The following MYO5B variants were observed in gnomAD, a reference collection of about 807,000 sequenced individuals.
The protein encoded by MYO5B is myosin VB.
In MYO5B, 143 loss-of-function variants were observed where a neutral mutation model predicts 229.3. That is an observed-to-expected ratio of 0.62 (90% CI 0.54 to 0.72). The LOEUF (loss-of-function observed/expected upper bound fraction) is 0.72, where lower values mean the gene tolerates loss of function less well. Among genes scored for constraint, MYO5B ranks in the 30% least tolerant of loss-of-function variants. The pLI, the probability that MYO5B is intolerant of heterozygous loss-of-function variation, is 0.00. For missense variants in MYO5B, 2,321 were observed against 2,331.0 expected, an observed-to-expected ratio of 1.00 and a Z score of 0.09; for synonymous variants, 918 against 885.2, an observed-to-expected ratio of 1.04 and a Z score of -0.66.
intron 22 of MYO5B, among the ~76,000 whole-genome samples, chr18:49,883,969 T>G (rs1401223932): frequency 6.6e-6 from 1 of 152,192 alleles, no homozygotes; most frequent in Non-Finnish European, 1.5e-5. Flanking sequence ...TCAAAATGCA[T>G]TAAAGACTTA....
intron 4 of MYO5B, among the ~76,000 whole-genome samples, chr18:50,004,244 T>C (rs560606720): frequency 6.6e-6 from 1 of 151,824 alleles, no homozygotes; most frequent in Middle Eastern, 3.4e-3. Context: ...AAAGAAGGAA[T>C]CAAGGCAACG....
At chr18:49,870,912 T>C (rs2024449158) in intron 27 of MYO5B, among the ~76,000 whole-genome samples, 2 of 152,134 alleles carry the variant, frequency 1.3e-5, no homozygotes, top group African/African-American at 2.4e-5. Flanking sequence ...AATAATAGGA[T>C]GGCCACATGA....
At chr18:49,974,245 A>G in intron 10 of MYO5B, 105 bp downstream of exon 10, 2 of 1,542,058 alleles carry the variant, frequency 1.3e-6, no homozygotes, top group South Asian at 2.3e-5. Flanking sequence ...AACTGCCCTA[A>G]GTTGAGAACC....
At chr18:50,136,814 G>C (rs747370430) in intron 1 of MYO5B, among the ~76,000 whole-genome samples, 1 of 152,126 alleles carries the variant, frequency 6.6e-6, no homozygotes, top group African/African-American at 2.4e-5. Flanking sequence ...GAAAGAAAAC[G>C]ATGGTGTCAG....
At chr18:50,188,226 G>T (rs12961521) in intron 1 of MYO5B, among the ~76,000 whole-genome samples, 76,299 of 151,930 alleles carry the variant, frequency 0.5, 19,323 homozygotes, top group Admixed American at 0.59. Flanking sequence ...CCTCCTGAGA[G>T]AACATCCTTC....
intron 17 of MYO5B, among the ~76,000 whole-genome samples, chr18:49,927,157 G>T (rs1029664785): frequency 1.3e-4 from 20 of 152,118 alleles, no homozygotes; most frequent in African/African-American, 4.6e-4. Context: ...GGCTAAGATG[G>T]TAACCAAGGA....
intron 1 of MYO5B, among the ~76,000 whole-genome samples, chr18:50,121,903 T>C (rs2032063803): frequency 6.6e-6 from 1 of 152,244 alleles, no homozygotes; most frequent in Non-Finnish European, 1.5e-5. Flanking sequence ...CTGCAATCTG[T>C]AAAGTCTTTG....
Position 49,974,572 on chromosome 18 carries a change from A to AC in MYO5B, c.1099dup (p.Val367GlyfsTer77). On this transcript the variant is annotated frameshift_variant, in exon 10 of 40. Coordinates refer to ENST00000285039, the MANE Select transcript of MYO5B (RefSeq NM_001080467.3). LOFTEE classifies it high-confidence loss of function. ...CCAGTGCTCCATCTGACTGTGCTCCACCCCTAGCAGTCGGCAGAAGTTGCT... is the reference window on the plus strand; with the variant it reads ...CCAGTGCTCCATCTGACTGTGCTCCACCCCCTAGCAGTCGGCAGAAGTTGCT... The AC allele has an allele frequency of 6.2e-7, 1 of 1,614,022 alleles. No individual in the cohort carries two copies. Among genetic ancestry groups the AC allele is most frequent in the Non-Finnish European group, 8.5e-7 (1 of 1,179,992 alleles).
intron 1 of MYO5B, among the ~76,000 whole-genome samples, chr18:50,070,389 G>A (rs2030928000): frequency 6.6e-6 from 1 of 152,032 alleles, no homozygotes; most frequent in Non-Finnish European, 1.5e-5. Context: ...TTTCTAGACT[G>A]CTTGCTTCTA....
At position 49,902,583 on chromosome 18, in the gene MYO5B, C is replaced by G. The variant is rs2024854050; in HGVS notation, c.2811+11G>C. 1 of 1,610,300 alleles carries G rather than the reference C, an allele frequency of 6.2e-7. No homozygotes were observed. The stretch of plus-strand genomic sequence containing the variant: ...CCCCCGACACCCAGGTAGGGAGCTG[C>G]AGACACTGACCTGCTCATCGATCTT... On this transcript the variant is annotated intron_variant, in intron 21 of 39. Transcript: ENST00000285039.
intron 10 of MYO5B, 86 bp from the exon 11 acceptor site, chr18:49,963,116 C>A (rs377203078): frequency 1.9e-6 from 2 of 1,040,496 alleles, no homozygotes; most frequent in East Asian, 2.4e-5. Flanking sequence ...TGACCCAGGT[C>A]TCCCCCGATG....
intron 1 of MYO5B, among the ~76,000 whole-genome samples, chr18:50,092,500 T>C (rs1465610767): frequency 1.3e-5 from 2 of 152,192 alleles, no homozygotes; most frequent in East Asian, 3.8e-4. Context: ...CCATCGACTT[T>C]GGTTAACAAT....
At chr18:50,049,006 A>C (rs2030318273) in intron 2 of MYO5B, among the ~76,000 whole-genome samples, 1 of 143,040 alleles carries the variant, frequency 7.0e-6, no homozygotes, top group East Asian at 2.1e-4. Flanking sequence ...TGGGCAACAG[A>C]GTGAGACTCC....
intron 14 of MYO5B, among the ~76,000 whole-genome samples, chr18:49,941,718 G>C (rs1438863053): frequency 6.6e-6 from 1 of 151,720 alleles, no homozygotes; most frequent in Non-Finnish European, 1.5e-5. Flanking sequence ...CTCATGGGTA[G>C]GAAGAATCAA....
intron 36 of MYO5B, among the ~76,000 whole-genome samples, chr18:49,838,599 C>A (rs1344904219): frequency 6.6e-6 from 1 of 151,448 alleles, no homozygotes; most frequent in East Asian, 1.9e-4. Context: ...TCCTTCCCAG[C>A]CTTTGCAGAG....
At chr18:50,173,533 G>A (rs978302911) in intron 1 of MYO5B, among the ~76,000 whole-genome samples, 1 of 152,326 alleles carries the variant, frequency 6.6e-6, no homozygotes, top group Middle Eastern at 3.4e-3. Flanking sequence ...AAGATGAAGG[G>A]AGTCAGTTGG....
At chr18:49,891,016 C>A (rs907597664) in intron 22 of MYO5B, among the ~76,000 whole-genome samples, 1 of 152,158 alleles carries the variant, frequency 6.6e-6, no homozygotes, top group South Asian at 2.1e-4. Flanking sequence ...GTGCCTAGGA[C>A]AGAGTTGCTC....
chr18:50,191,313 A>T (rs886190056), intron 1 of MYO5B, among the ~76,000 whole-genome samples: 3 of 152,244 alleles, frequency 2.0e-5, no homozygotes, highest in Non-Finnish European at 4.4e-5. Flanking sequence ...GAAACCCATT[A>T]ACAGAGCAAG....
At chr18:50,095,322 G>T (rs936767045) in intron 1 of MYO5B, among the ~76,000 whole-genome samples, 6 of 152,202 alleles carry the variant, frequency 3.9e-5, no homozygotes, top group African/African-American at 9.7e-5. Context: ...CCATGAAATA[G>T]AAGTGGATGT....
Sources: allele counts gnomAD v4.1 joint callset (sites outside exome capture counted in the v4.1 genomes callset), GRCh38; gene constraint gnomAD v4.1.1; transcripts MANE v1.5; gene names NCBI Gene and HGNC (gene_info 2026-07-23, HGNC 2026-07-21).